The following REC8 variants were observed in gnomAD, a reference collection of about 807,000 sequenced individuals.
The protein encoded by REC8 is REC8 meiotic recombination protein.
In REC8, 42 loss-of-function variants were observed where a neutral mutation model predicts 78.3. That is an observed-to-expected ratio of 0.54 (90% CI 0.42 to 0.69). The LOEUF (loss-of-function observed/expected upper bound fraction) is 0.69. Ranked by LOEUF, REC8 falls within the 30% of genes least tolerant of loss-of-function variation. The probability of loss-of-function intolerance (pLI) is 0.00; values close to 1 mark genes in which losing one functional copy is unlikely to be tolerated. For synonymous variants in REC8, 268 were observed against 274.1 expected (o/e 0.98, Z 0.22); for missense variants, 581 against 715.8 (o/e 0.81, Z 2.15).
chr14:24,179,196 A>T (rs1197291831), intron 15 of REC8, 63 bp downstream of exon 15: 10 of 1,407,102 alleles, frequency 7.1e-6, no homozygotes, highest in Non-Finnish European at 9.9e-6. Context: ...GGAAACTAGT[A>T]TCCCAACTGC....
chr14:24,177,828 G>T, intron 11 of REC8, 70 bp downstream of exon 11: 1 of 1,499,624 alleles, frequency 6.7e-7, no homozygotes, highest in Non-Finnish European at 8.9e-7. Flanking sequence ...GCCTCCCCAA[G>T]CCCAGGGCCA....
chr14:24,175,294 C>G, intron 5 of REC8: 1 of 361,428 alleles, frequency 2.8e-6, no homozygotes, highest in Non-Finnish European at 5.2e-6. Context: ...ACATGAGCCA[C>G]CGAGCCCGGC....
chr14:24,179,337 C>A (rs1338438729), intron 15 of REC8, 60 bp from the exon 16 acceptor site: 1 of 1,573,276 alleles, frequency 6.4e-7, no homozygotes, highest in Middle Eastern at 1.9e-4. Context: ...CACCAGGTGG[C>A]CACAAGGCCC....
chr14:24,177,424 T>C lies in REC8; in HGVS notation c.737+41T>C, dbSNP rs371634310. ...CCTAGACCAGGTAGGGTGTCAGTGC[T>C]GGGAAGGGTCTCCTCATTTCTCTTG... is the stretch of plus-strand genomic sequence containing the variant. On this transcript the variant is annotated intron_variant, in intron 9 of 18. Coordinates refer to ENST00000611366, the MANE Select transcript of REC8 (RefSeq NM_001048205.2). The C allele has an allele frequency of 4.3e-5, 69 of 1,614,102 alleles. No individual in the cohort carries two copies. The African/African-American group carries it at 8.0e-4, about 19-fold the overall frequency.
rs2038742213 is a variant in REC8 at position 24,173,135 on chromosome 14, A to T, written c.278A>T (p.Gln93Leu). 1.2e-6 allele frequency: 2 copies of T among 1,613,976 alleles called. No homozygotes were observed. Among genetic ancestry groups the T allele is most frequent in the East Asian group, 2.2e-5 (1 of 44,882 alleles). ...QQCQYLVEDIQHILERLHRAQ... is the reference protein window; with the variant it reads ...QQCQYLVEDILHILERLHRAQ... Reference sequence around the variant, plus strand: ...TCCTCCCTGCCCACAGAGGACATCCAGCACATCTTGGAGCGCCTCCACCGT... The same window carrying T: ...TCCTCCCTGCCCACAGAGGACATCCTGCACATCTTGGAGCGCCTCCACCGT... Residue 93 changes from glutamine to leucine, a missense_variant, in exon 4 of 19, where the codon CAG (glutamine) becomes CTG (leucine). Gln to Leu is a moderately radical substitution (Grantham distance 113, BLOSUM62 -2). Coordinates refer to ENST00000611366, the MANE Select transcript of REC8 (RefSeq NM_001048205.2).
Position 24,176,639 on chromosome 14 carries a change from C to T in REC8, c.545-183C>T, listed in dbSNP as rs140688375. On this transcript the variant is annotated intron_variant, in intron 6 of 18. Transcript: ENST00000611366. ...ACTTCGCCCAGCCTCCCCACTTTACCGATGAGGAAAGTGAGGCTCACAGTG... is the reference window on the plus strand; with the variant it reads ...ACTTCGCCCAGCCTCCCCACTTTACTGATGAGGAAAGTGAGGCTCACAGTG... Among the ~76,000 whole-genome samples, 1,015 of 152,228 alleles carry T rather than the reference C, an allele frequency of 6.7e-3. 7 individuals carry two copies. The highest frequency in any genetic ancestry group is 0.023 in the African/African-American group (970 of 41,518).
chr14:24,178,848 C>T lies in REC8; in HGVS notation c.1135C>T (p.Arg379Ter). ...CAQPPPKALR[R>*]ELPEEAAAEE... ...CCAGCCACCCCCAAAAGCCCTCAGG[C>T]GAGAGCTGCCTGAGGAGGCAGCCGC... The change falls in exon 14 of 19, where the codon CGA becomes TGA. Residue 379 changes from arginine to a stop codon, truncating the protein, a stop_gained. Transcript: ENST00000611366. LOFTEE classifies it high-confidence loss of function. The T allele has an allele frequency of 2.5e-6, 4 of 1,613,708 alleles. No individual in the cohort carries two copies. The highest frequency in any genetic ancestry group is 2.5e-6 in the Non-Finnish European group (3 of 1,180,004).
rs192412954 is a variant in REC8, at chr14:24,174,264, G to A, written c.462+853G>A. Among the ~76,000 whole-genome samples, 27 of 151,496 alleles carry A rather than the reference G, an allele frequency of 1.8e-4. No individual in the cohort carries two copies. In the Middle Eastern group the frequency reaches 0.01, roughly 59 times the overall value. ...TTTCCAAAGTGCTAGGATTACAGAC[G>A]TGAGCCATCGCGCTGGCCTATTATT... On this transcript the variant is annotated intron_variant, in intron 5 of 18. Transcript: ENST00000611366.
At chr14:24,178,276 G>A (rs987927257) in intron 12 of REC8, 54 bp downstream of exon 12, 15 of 1,499,268 alleles carry the variant, frequency 1.0e-5, no homozygotes, top group Non-Finnish European at 1.3e-5. Flanking sequence ...GATGACCAGG[G>A]GCACATGCAG....
rs377231807 is a variant in REC8, at chr14:24,179,698, G to A, written c.1423G>A (p.Glu475Lys). ...GCCTTTGGTGCTGCCCCCAGAGCTCGAGCTGCTCTCACTGGAAGCAGTGCA... is the reference window on the plus strand; with the variant it reads ...GCCTTTGGTGCTGCCCCCAGAGCTCAAGCTGCTCTCACTGGAAGCAGTGCA... ...EMPLVLPPELELLSLEAVHRA... is the reference protein window; with the variant it reads ...EMPLVLPPELKLLSLEAVHRA... Residue 475 changes from glutamate to lysine, a missense_variant, in exon 17 of 19, where the codon GAG becomes AAG. Glu to Lys is a moderately conservative substitution (Grantham distance 56). Transcript: ENST00000611366. 4.3e-6 allele frequency: 7 copies of A among 1,614,100 alleles called. No homozygotes were observed. Among genetic ancestry groups the A allele is most frequent in the African/African-American group, 2.7e-5 (2 of 74,930 alleles).
In REC8 at chr14:24,177,159, G is replaced by C. The variant is rs2038932973; in HGVS notation, c.643G>C (p.Glu215Gln). 2 of 1,613,998 alleles carry C rather than the reference G, an allele frequency of 1.2e-6. No individual in the cohort carries two copies. Among genetic ancestry groups the C allele is most frequent in the Admixed American group, 1.7e-5 (1 of 60,000 alleles). The change falls in exon 8 of 19, where the codon GAG (glutamate) becomes CAG (glutamine). Residue 215 changes from glutamate to glutamine, a missense_variant. Transcript: ENST00000611366. ...LEIEGERELP[E>Q]VSRRELDLLI... The stretch of plus-strand genomic sequence containing the variant: ...TGGACAGGGTGAACGGGAGCTCCCA[G>C]AGGTCAGCCGCCGAGAACTGGACCT...
intron 6 of REC8, among the ~76,000 whole-genome samples, chr14:24,176,360 T>TC (rs912821396): frequency 4.0e-5 from 6 of 150,762 alleles, no homozygotes; most frequent in African/African-American, 7.3e-5. Flanking sequence ...CTCGGCTTTT[T>TC]TTTTTTTTTT....
chr14:24,177,613 C>G, intron 10 of REC8, 72 bp downstream of exon 10: 1 of 1,578,044 alleles, frequency 6.3e-7, no homozygotes, highest in Non-Finnish European at 8.6e-7. Flanking sequence ...GGCTTTATAT[C>G]CCAACTTGCT....
At chr14:24,172,690 C>G (rs1212969565) in intron 1 of REC8, 23 bp from the exon 2 acceptor site, 3 of 1,614,162 alleles carry the variant, frequency 1.9e-6, no homozygotes, top group Non-Finnish European at 2.5e-6. Context: ...TCCCCATTCT[C>G]CCACCTTCCC....
rs538915000 is a variant in REC8 at position 24,178,619 on chromosome 14, C to T, written c.1010C>T (p.Pro337Leu). The T allele has an allele frequency of 3.0e-5, 48 of 1,614,016 alleles. No individual in the cohort carries two copies. The highest frequency in any genetic ancestry group is 1.2e-4 in the South Asian group (11 of 91,080). The change falls in exon 13 of 19, where the codon CCG becomes CTG. Residue 337 changes from proline (P) to leucine (L), a missense_variant. Coordinates refer to ENST00000611366, the MANE Select transcript of REC8 (RefSeq NM_001048205.2). ...AHCWECPMVQ[P>L]PERTIRGPAE... ...CCCACTACACAGCCTATGGTGCAGC[C>T]GCCCGAGAGGACCATCAGAGGCCCT...
chr14:24,172,816 G>T (rs748267625), intron 2 of REC8, 35 bp downstream of exon 2: 15 of 1,613,810 alleles, frequency 9.3e-6, no homozygotes, highest in Non-Finnish European at 1.2e-5. Context: ...GGCCTGGTGC[G>T]GGGGGTGAGT....
At chr14:24,173,453 A>T in intron 5 of REC8, 42 bp downstream of exon 5, 2 of 1,610,342 alleles carry the variant, frequency 1.2e-6, no homozygotes, top group African/African-American at 1.3e-5. Flanking sequence ...GCAATGCAGA[A>T]GGGGAGTGCT....
chr14:24,175,471 A>G (rs2038849189), intron 5 of REC8, 72 bp from the exon 6 acceptor site: 3 of 1,156,620 alleles, frequency 2.6e-6, no homozygotes, highest in Admixed American at 3.4e-5. Flanking sequence ...ATTGTTGAAG[A>G]AGGCTGTGAA....
chr14:24,175,125 G>A (rs576785443), intron 5 of REC8, among the ~76,000 whole-genome samples: 6 of 151,192 alleles, frequency 4.0e-5, no homozygotes, highest in African/African-American at 7.3e-5. Flanking sequence ...TCCTGTCTCC[G>A]CCTCTCAAGT....
Sources: allele counts gnomAD v4.1 joint callset (sites outside exome capture counted in the v4.1 genomes callset), GRCh38; gene constraint gnomAD v4.1.1; transcripts MANE v1.5; gene names NCBI Gene and HGNC (gene_info 2026-07-23, HGNC 2026-07-21).